C12orf76: variants seen among roughly 807,000 people sequenced by gnomAD.
C12orf76 encodes the protein chromosome 12 open reading frame 76, also known as uncharacterized protein C12orf76.
A neutral mutation model predicts 6.8 loss-of-function variants in C12orf76; 6 were observed. That is an observed-to-expected ratio of 0.88 (90% CI 0.48 to 1.73). The LOEUF (loss-of-function observed/expected upper bound fraction) is 1.73, where lower values mean the gene tolerates loss of function less well. C12orf76 is among the 40% of genes most tolerant of loss of function. C12orf76 has a pLI of 0.01. For synonymous variants in C12orf76, 56 were observed against 43.7 expected, an observed-to-expected ratio of 1.28 and a Z score of -1.11; for missense variants, 99 against 98.2, an observed-to-expected ratio of 1.01 and a Z score of -0.03.
upstream of C12orf76, among the ~76,000 whole-genome samples, chr12:110,068,324 A>T (rs374666250): frequency 7.3e-6 from 1 of 137,176 alleles, no homozygotes; most frequent in Non-Finnish European, 1.7e-5. Flanking sequence ...AAGAAGAAGA[A>T]GAAGAAGGCG....
upstream of C12orf76, among the ~76,000 whole-genome samples, chr12:110,051,986 A>G (rs1037549089): frequency 3.0e-5 from 4 of 131,202 alleles, no homozygotes; most frequent in Admixed American, 1.0e-4. Flanking sequence ...TCCGCCTCCT[A>G]GGTTCATGCC....
chr12:110,056,830 T>C, intron 4 of C12orf76: 1 of 198,674 alleles, frequency 5.0e-6, no homozygotes, highest in South Asian at 9.3e-5. Context: ...ACTTGTTGCC[T>C]GCCACCACGT....
intron 4 of C12orf76, among the ~76,000 whole-genome samples, chr12:110,055,988 G>A (rs1179105364): frequency 6.6e-6 from 1 of 151,430 alleles, no homozygotes; most frequent in African/African-American, 2.4e-5. Context: ...CAGGAAAATC[G>A]TTTGAACCTG....
chr12:110,060,959 C>T (rs760443130), intron 2 of C12orf76, among the ~76,000 whole-genome samples: 60 of 151,990 alleles, frequency 3.9e-4, no homozygotes, highest in Non-Finnish European at 6.8e-4. Context: ...CACTTGAGCC[C>T]GGGAGGCGGA....
chr12:110,069,384 G>A, upstream of C12orf76, among the ~76,000 whole-genome samples: 1 of 151,198 alleles, frequency 6.6e-6, no homozygotes, highest in East Asian at 2.0e-4. Context: ...AGCTTGCAAT[G>A]AGCCGAGATC....
At chr12:110,065,061 G>A (rs916556405) in intron 2 of C12orf76, among the ~76,000 whole-genome samples, 1 of 152,064 alleles carries the variant, frequency 6.6e-6, no homozygotes, top group Non-Finnish European at 1.5e-5. Flanking sequence ...AAGATAGATG[G>A]TAGTAGGCGG....
Position 110,041,725 on chromosome 12 carries a change from T to C in C12orf76, c.*649A>G, listed in dbSNP as rs1397704139. On this transcript the variant is annotated 3_prime_UTR_variant, in exon 2 of 2. Coordinates refer to ENST00000615315, the MANE Select transcript of C12orf76 (RefSeq NM_001389625.1). ...GGGTCCTTTTTGTAACAGGCCAACCTAGTAACATTTCCAGTCCAACTTCAG... is the reference window on the plus strand; with the variant it reads ...GGGTCCTTTTTGTAACAGGCCAACCCAGTAACATTTCCAGTCCAACTTCAG... 6.5e-6 allele frequency: 1 copy of C among 153,040 alleles called. No individual in the cohort carries two copies. The highest frequency in any genetic ancestry group is 2.4e-5 in the African/African-American group (1 of 41,458). 9.5% of individuals were successfully genotyped at this position (153,040 alleles called of 1,614,324 possible).
At chr12:110,069,238 T>A (rs1209841927), upstream of C12orf76, among the ~76,000 whole-genome samples, 2 of 152,016 alleles carry the variant, frequency 1.3e-5, no homozygotes, top group Non-Finnish European at 2.9e-5. Context: ...CAGGAGATCG[T>A]GACCATCCTG....
intron 2 of C12orf76, among the ~76,000 whole-genome samples, chr12:110,062,078 A>G (rs1489584252): frequency 3.9e-5 from 6 of 152,028 alleles, no homozygotes; most frequent in Non-Finnish European, 7.4e-5. Context: ...AGTTTGGCCA[A>G]CGTGGTAAGA....
At chr12:110,068,096 CA>C (rs540885571), upstream of C12orf76, among the ~76,000 whole-genome samples, 555 of 151,846 alleles carry the variant, frequency 3.7e-3, 5 homozygotes, top group Non-Finnish European at 6.1e-3. Flanking sequence ...GCCAGCTACT[CA>C]GGAGGCTGAG....
upstream of C12orf76, among the ~76,000 whole-genome samples, chr12:110,068,249 A>AGAAGAAGAG (rs1491096666): frequency 5.7e-3 from 155 of 27,016 alleles, 1 homozygote; most frequent in Non-Finnish European, 7.0e-3. Flanking sequence ...AGAAGAAGAA[A>AGAAGAAGAG]GAAGAAGAAG....
chr12:110,068,286 G>GAA (rs1892909873), upstream of C12orf76, among the ~76,000 whole-genome samples: 1 of 143,390 alleles, frequency 7.0e-6, no homozygotes, highest in African/African-American at 2.5e-5. Context: ...AGAAGAAGAA[G>GAA]AAGAAGAAGA....
chr12:110,058,896 T>G, intron 3 of C12orf76: 1 of 1,369,542 alleles, frequency 7.3e-7, no homozygotes, highest in Non-Finnish European at 9.7e-7. Flanking sequence ...AAGTCTATTT[T>G]GCTGACATAT....
At position 110,054,367 on chromosome 12, in the gene C12orf76, A is replaced by C. The variant is rs1288900365; in HGVS notation, n.664+2822T>G. 6.6e-6 allele frequency among the ~76,000 whole-genome samples: 1 copy of C among 152,228 alleles called. No individual in the cohort carries two copies. The highest frequency in any genetic ancestry group is 1.9e-4 in the East Asian group (1 of 5,208). On this transcript the variant is annotated intron_variant and non_coding_transcript_variant, in intron 4 of 4. Transcript: ENST00000309050. The surrounding 1 kb of genome is among the most constrained non-coding windows in gnomAD (Gnocchi z 4.4). ...CAATGAGATATTATTCAGCCATAAA[A>C]AAGGAACAGGGTACTCATACATGCT... is the stretch of plus-strand genomic sequence containing the variant.
intron 3 of C12orf76, chr12:110,057,341 A>G (rs1406912213): frequency 3.9e-6 from 5 of 1,279,390 alleles, no homozygotes; most frequent in Non-Finnish European, 5.7e-6. Flanking sequence ...TGAGCCTCCA[A>G]AGTGAACTGC....
At chr12:110,053,887 C>A (rs1355018769), upstream of C12orf76, among the ~76,000 whole-genome samples, 1 of 151,856 alleles carries the variant, frequency 6.6e-6, no homozygotes, top group Non-Finnish European at 1.5e-5. Context: ...AGTTCGAGAC[C>A]AGCCTGGACA....
At chr12:110,059,006 C>A in exon 3 of C12orf76, 1 of 1,548,920 alleles carries the variant, frequency 6.5e-7, no homozygotes, top group South Asian at 1.2e-5. Flanking sequence ...AATAGCCGAA[C>A]AAACTGTGGT....
chr12:110,042,369 G>A lies in C12orf76; in HGVS notation c.*5C>T, dbSNP rs904854704. 1.2e-6 allele frequency: 2 copies of A among 1,612,082 alleles called. No individual in the cohort carries two copies. Among genetic ancestry groups the A allele is most frequent in the African/African-American group, 2.7e-5 (2 of 75,028 alleles). On this transcript the variant is annotated 3_prime_UTR_variant, in exon 2 of 2. Coordinates refer to ENST00000615315, the MANE Select transcript of C12orf76 (RefSeq NM_001389625.1). The stretch of plus-strand genomic sequence containing the variant: ...CAAATACTCATTGAAGAACTTGTCT[G>A]GCTGTCACCGACGCCGAATGGGCTT...
intron 4 of C12orf76, among the ~76,000 whole-genome samples, chr12:110,055,198 C>T (rs1048809402): frequency 2.0e-5 from 3 of 150,106 alleles, no homozygotes; most frequent in African/African-American, 7.3e-5. Context: ...GCCTAATCAG[C>T]ATATATGAGA....
Sources: allele counts gnomAD v4.1 joint callset (sites outside exome capture counted in the v4.1 genomes callset), GRCh38; gene constraint gnomAD v4.1.1; non-coding constraint Gnocchi (gnomAD v3.1); transcripts MANE v1.5; gene names NCBI Gene and HGNC (gene_info 2026-07-23, HGNC 2026-07-21).